Variants in NCAM2 observed in about 807,000 individuals in gnomAD.
NCAM2 encodes neural cell adhesion molecule 2.
NCAM2 carries 30 observed loss-of-function variants against 98.1 expected under a neutral mutation model. The observed-to-expected ratio is 0.31, with a 90% CI of 0.23 to 0.41. The LOEUF is 0.41. NCAM2 is among the 10% of genes least tolerant of loss of function. NCAM2 has a pLI of 1.00. For missense variants in NCAM2, 867 were observed against 1,005.8 expected (o/e 0.86, Z 1.87); for synonymous variants, 368 against 342.4 (o/e 1.07, Z -0.83).
At chr21:21,009,657 A>T (rs2064171452) in intron 1 of NCAM2, among the ~76,000 whole-genome samples, 1 of 152,044 alleles carries the variant, frequency 6.6e-6, no homozygotes, top group African/African-American at 2.4e-5. Flanking sequence ...GTGTCGATAA[A>T]GCAAGTATTT....
At chr21:21,375,473 A>G (rs2076012282) in intron 9 of NCAM2, among the ~76,000 whole-genome samples, 1 of 151,776 alleles carries the variant, frequency 6.6e-6, no homozygotes, top group Non-Finnish European at 1.5e-5. Context: ...CACTTTCTAA[A>G]AAAATAAAAA....
intron 1 of NCAM2, among the ~76,000 whole-genome samples, chr21:21,178,612 T>C (rs2068370061): frequency 6.6e-6 from 1 of 151,982 alleles, no homozygotes; most frequent in African/African-American, 2.4e-5. Context: ...TTAGACATGC[T>C]TACTAACTTC....
intron 8 of NCAM2, among the ~76,000 whole-genome samples, chr21:21,341,841 A>C (rs2075048091): frequency 1.3e-5 from 2 of 152,070 alleles, no homozygotes; most frequent in Non-Finnish European, 2.9e-5. Flanking sequence ...AAACATACTC[A>C]ACACAGTCCC....
At chr21:21,306,387 A>C (rs564226007) in intron 5 of NCAM2, among the ~76,000 whole-genome samples, 30 of 152,118 alleles carry the variant, frequency 2.0e-4, no homozygotes, top group Non-Finnish European at 3.5e-4. Context: ...GTTTAGAATC[A>C]TGATGTCCTC....
chr21:21,429,150 CT>C (rs2077276250), intron 11 of NCAM2, among the ~76,000 whole-genome samples: 1 of 152,070 alleles, frequency 6.6e-6, no homozygotes, highest in South Asian at 2.1e-4. Flanking sequence ...GAAAAAAAGG[CT>C]ACAGTAAGTG....
chr21:21,243,067 G>T (rs554260493), intron 1 of NCAM2, among the ~76,000 whole-genome samples: 1 of 152,170 alleles, frequency 6.6e-6, no homozygotes, highest in East Asian at 1.9e-4. Flanking sequence ...TTCATACATA[G>T]AATGTAGAGA....
chr21:21,230,838 A>G (rs762560284), intron 1 of NCAM2, among the ~76,000 whole-genome samples: 2 of 151,260 alleles, frequency 1.3e-5, no homozygotes, highest in Admixed American at 6.6e-5. Flanking sequence ...TTCATTAACA[A>G]CACTTCTGGT....
intron 15 of NCAM2, among the ~76,000 whole-genome samples, chr21:21,480,437 GA>G (rs543524671): frequency 0.013 from 1,943 of 150,864 alleles, 17 homozygotes; most frequent in South Asian, 0.023. Context: ...GTTTCCAAAG[GA>G]AACATGCAGG....
At chr21:21,343,222 A>G (rs539479822) in intron 8 of NCAM2, among the ~76,000 whole-genome samples, 2 of 152,240 alleles carry the variant, frequency 1.3e-5, no homozygotes, top group South Asian at 4.2e-4. Flanking sequence ...AATGGGTACT[A>G]CCAAAATGTT....
intron 1 of NCAM2, among the ~76,000 whole-genome samples, chr21:21,072,924 G>A (rs1182169830): frequency 6.6e-6 from 1 of 152,070 alleles, no homozygotes; most frequent in African/African-American, 2.4e-5. Flanking sequence ...TCCATCTCCA[G>A]AACTGTTTCA....
chr21:21,332,244 T>A (rs1269853548), intron 6 of NCAM2, among the ~76,000 whole-genome samples: 1 of 152,228 alleles, frequency 6.6e-6, no homozygotes, highest in African/African-American at 2.4e-5. Flanking sequence ...TTCAGAATTT[T>A]GTGTTTTGGG....
intron 8 of NCAM2, among the ~76,000 whole-genome samples, chr21:21,356,987 C>CAATAAATAAATA (rs56359248): frequency 0.029 from 4,142 of 144,990 alleles, 79 homozygotes; most frequent in Middle Eastern, 0.074. Context: ...GAAACTCCAT[C>CAATAAATAAATA]AATAAATAAA....
intron 5 of NCAM2, among the ~76,000 whole-genome samples, chr21:21,301,786 C>T (rs2073723542): frequency 6.6e-6 from 1 of 151,144 alleles, no homozygotes; most frequent in Non-Finnish European, 1.5e-5. Context: ...ACAACCCCAT[C>T]AAAAAGTGGG....
At chr21:21,457,849 A>G (rs128594) in intron 12 of NCAM2, among the ~76,000 whole-genome samples, 100,914 of 152,040 alleles carry the variant, frequency 0.66, 34,570 homozygotes, top group African/African-American at 0.71. Flanking sequence ...TTAATCAAAA[A>G]GGATGCAGAA....
intron 15 of NCAM2, among the ~76,000 whole-genome samples, chr21:21,482,570 C>A (rs1002532697): frequency 6.6e-6 from 1 of 151,528 alleles, no homozygotes; most frequent in Non-Finnish European, 1.5e-5. Context: ...ATATATTTAA[C>A]TTTTTGTAAA....
At chr21:21,045,678 A>C (rs1394350983) in intron 1 of NCAM2, among the ~76,000 whole-genome samples, 1 of 152,174 alleles carries the variant, frequency 6.6e-6, no homozygotes, top group Non-Finnish European at 1.5e-5. Flanking sequence ...ACCAGATGTT[A>C]GTGGAGCACA....
At chr21:21,184,555 A>G (rs886781429) in intron 1 of NCAM2, among the ~76,000 whole-genome samples, 6 of 152,090 alleles carry the variant, frequency 3.9e-5, no homozygotes, top group African/African-American at 1.2e-4. Context: ...ATGAATACAT[A>G]TTGTTAAGCT....
intron 1 of NCAM2, among the ~76,000 whole-genome samples, chr21:21,249,823 A>G (rs1254360595): frequency 5.3e-5 from 8 of 152,336 alleles, no homozygotes; most frequent in South Asian, 4.1e-4. Context: ...GTTTTCTTCT[A>G]TTAAATTATT....
intron 1 of NCAM2, among the ~76,000 whole-genome samples, chr21:21,229,033 G>T (rs546105817): frequency 6.6e-6 from 1 of 151,526 alleles, no homozygotes; most frequent in East Asian, 1.9e-4. Flanking sequence ...AAATGTATGT[G>T]TGTATGTTCT....
Sources: gnomAD v4.1 joint callset for allele counts (sites outside exome capture counted in the v4.1 genomes callset) on GRCh38, gnomAD v4.1.1 for gene constraint, MANE v1.5 for transcripts, NCBI Gene and HGNC (gene_info 2026-07-23, HGNC 2026-07-21) for gene names.